VWA8: variants seen among roughly 807,000 people sequenced by gnomAD.
VWA8 encodes the protein von Willebrand factor A domain-containing protein 8.
A neutral mutation model predicts 241.5 loss-of-function variants in VWA8; 221 were observed. That is an observed-to-expected ratio of 0.91 (90% CI 0.82 to 1.02). The LOEUF (loss-of-function observed/expected upper bound fraction) is 1.02. VWA8 is among the 50% of genes least tolerant of loss of function. VWA8 has a pLI of 0.00. For missense variants in VWA8, 2,322 were observed against 2,328.7 expected (o/e 1.00, Z 0.06); for synonymous variants, 852 against 827.1 (o/e 1.03, Z -0.52).
At chr13:41,790,408 T>A (rs1214208247) in intron 17 of VWA8, among the ~76,000 whole-genome samples, 1 of 152,092 alleles carries the variant, frequency 6.6e-6, no homozygotes, top group Non-Finnish European at 1.5e-5. Context: ...TATTTATCCA[T>A]AGGTGTTGAT....
intron 40 of VWA8, among the ~76,000 whole-genome samples, chr13:41,603,072 T>C (rs187792653): frequency 6.6e-6 from 1 of 152,148 alleles, no homozygotes; most frequent in Non-Finnish European, 1.5e-5. Flanking sequence ...CTGAAATAAT[T>C]ACTCTCATTG....
intron 37 of VWA8, among the ~76,000 whole-genome samples, chr13:41,641,926 T>G (rs952881257): frequency 3.9e-5 from 6 of 152,232 alleles, no homozygotes; most frequent in Non-Finnish European, 7.3e-5. Flanking sequence ...ATCTATCTTC[T>G]AAATAAAATA....
At chr13:41,906,118 A>T (rs915809219) in intron 4 of VWA8, among the ~76,000 whole-genome samples, 16 of 152,064 alleles carry the variant, frequency 1.1e-4, no homozygotes, top group African/African-American at 3.9e-4. Context: ...GTGTCTGCCA[A>T]ATCTCTCCAT....
intron 26 of VWA8, among the ~76,000 whole-genome samples, chr13:41,718,271 TAA>T (rs1235526841): frequency 6.6e-6 from 1 of 151,902 alleles, no homozygotes; most frequent in Admixed American, 6.6e-5. Context: ...GTAAATAACT[TAA>T]GTTTGCATAT....
chr13:41,884,659 A>T (rs1874426692), intron 8 of VWA8, among the ~76,000 whole-genome samples: 1 of 152,100 alleles, frequency 6.6e-6, no homozygotes, highest in Non-Finnish European at 1.5e-5. Context: ...GGGGATTATG[A>T]ATGTTTTACT....
rs531015920 is a variant in VWA8, at chr13:41,853,176, G to T, written c.1425+12560C>A. Among the ~76,000 whole-genome samples, 443 of 152,216 alleles carry T rather than the reference G, an allele frequency of 2.9e-3. 1 individual carries two copies. Among genetic ancestry groups the T allele is most frequent in the Non-Finnish European group, 4.5e-3 (303 of 67,974 alleles). ...TAGCTAGGACTTTCAATAGTACATT[G>T]AATAGAGTGGTGACAGTGGGCATCC... On this transcript the variant is annotated intron_variant, in intron 12 of 44. Transcript: ENST00000379310.
At chr13:41,736,790 G>A (rs1228456994) in intron 21 of VWA8, among the ~76,000 whole-genome samples, 1 of 148,516 alleles carries the variant, frequency 6.7e-6, no homozygotes, top group Admixed American at 6.7e-5. Flanking sequence ...AGGAAAGACA[G>A]AATATGGAAC....
rs574242098 is a variant in VWA8, at chr13:41,622,994, G to GA, written c.4612-7911dup. 3.9e-5 allele frequency among the ~76,000 whole-genome samples: 6 copies of GA among 152,270 alleles called. No homozygotes were observed. The East Asian group carries it at 1.2e-3, about 29-fold the overall frequency. On this transcript the variant is annotated intron_variant, in intron 37 of 44. Coordinates refer to ENST00000379310, the MANE Select transcript of VWA8 (RefSeq NM_015058.2). ...AAGTCGGATATATCATGCTTGGCTG[G>GA]AATTAAGCACAATAATCCCATTCTC...
At chr13:41,898,770 TGGG>T (rs2138095220) in intron 4 of VWA8, among the ~76,000 whole-genome samples, 1 of 150,062 alleles carries the variant, frequency 6.7e-6, no homozygotes, top group Admixed American at 6.6e-5. Flanking sequence ...GCAGCGCCGG[TGGG>T]CTGGCACTGC....
intron 37 of VWA8, among the ~76,000 whole-genome samples, chr13:41,647,682 T>C (rs1489419367): frequency 6.6e-6 from 1 of 152,090 alleles, no homozygotes; most frequent in African/African-American, 2.4e-5. Flanking sequence ...CTGATAAATA[T>C]ACATCGCTAA....
At chr13:41,619,888 A>T (rs2044645689) in intron 37 of VWA8, among the ~76,000 whole-genome samples, 1 of 151,660 alleles carries the variant, frequency 6.6e-6, no homozygotes, top group African/African-American at 2.4e-5. Flanking sequence ...TTTATTGAGG[A>T]TTTTTGCATC....
rs1336908295 is a variant in VWA8, at chr13:41,699,150, T to C, written c.3485A>G (p.Asn1162Ser). 3.7e-6 allele frequency: 6 copies of C among 1,614,160 alleles called. 1 individual carries two copies. The highest frequency in any genetic ancestry group is 1.1e-5 in the South Asian group (1 of 91,082). Reference protein sequence around the residue: ...DFFDIFPRTANGVWHPFVTVA... With the variant: ...DFFDIFPRTASGVWHPFVTVA... ...TGTCACAAAAGGGTGCCAAACGCCA[T>C]TGGCTGTTCTTGGGAAGATATCAAA... Residue 1162 changes from asparagine to serine, a missense_variant, in exon 29 of 45, where the codon AAT becomes AGT. By Grantham distance (46) the Asn-to-Ser change is conservative. Transcript: ENST00000379310.
chr13:41,932,474 C>G (rs891774691), intron 2 of VWA8, among the ~76,000 whole-genome samples: 2 of 152,006 alleles, frequency 1.3e-5, no homozygotes, highest in African/African-American at 4.8e-5. Context: ...GTATTACCCT[C>G]ATATCGAAAT....
intron 16 of VWA8, among the ~76,000 whole-genome samples, chr13:41,811,665 T>C (rs1045034543): frequency 6.6e-6 from 1 of 152,168 alleles, no homozygotes; most frequent in Non-Finnish European, 1.5e-5. Context: ...TATGATTGAC[T>C]GTTCACTTTT....
chr13:41,732,235 C>T (rs2045490717), intron 21 of VWA8, 80 bp from the exon 22 acceptor site: 1 of 1,323,916 alleles, frequency 7.6e-7, no homozygotes, highest in Non-Finnish European at 1.0e-6. Context: ...AGCACAGGTG[C>T]ATTTTTTAAA....
chr13:41,700,708 C>G (rs1003102921), intron 28 of VWA8, among the ~76,000 whole-genome samples: 1 of 152,154 alleles, frequency 6.6e-6, no homozygotes, highest in African/African-American at 2.4e-5. Flanking sequence ...TTTAAAAGCA[C>G]ATATTTTTAT....
intron 24 of VWA8, among the ~76,000 whole-genome samples, chr13:41,722,098 T>C (rs1347513406): frequency 6.6e-6 from 1 of 152,168 alleles, no homozygotes; most frequent in Non-Finnish European, 1.5e-5. Context: ...TATACATCTA[T>C]CTCATATAAA....
chr13:41,873,957 C>G (rs1395119792), intron 9 of VWA8, among the ~76,000 whole-genome samples: 1 of 152,156 alleles, frequency 6.6e-6, no homozygotes, highest in Non-Finnish European at 1.5e-5. Flanking sequence ...CAAACCAAAT[C>G]CAGCAGCATA....
intron 21 of VWA8, among the ~76,000 whole-genome samples, chr13:41,757,799 C>T (rs1169443192): frequency 2.0e-5 from 3 of 151,530 alleles, no homozygotes; most frequent in African/African-American, 7.3e-5. Context: ...AAGAAAGAAA[C>T]ATGGAAAGTT....
Sources: allele counts gnomAD v4.1 joint callset (sites outside exome capture counted in the v4.1 genomes callset), GRCh38; gene constraint gnomAD v4.1.1; transcripts MANE v1.5; gene names NCBI Gene and HGNC (gene_info 2026-07-23, HGNC 2026-07-21).